Variants in NDUFS1 observed in about 807,000 individuals in gnomAD.
The protein encoded by NDUFS1 is NADH:ubiquinone oxidoreductase core subunit S1.
In NDUFS1, 61 loss-of-function variants were observed where a neutral mutation model predicts 84.4. That is an observed-to-expected ratio of 0.72 (90% confidence interval 0.59 to 0.89). The LOEUF is 0.89. NDUFS1 is among the 40% of genes least tolerant of loss of function. The pLI, the probability that NDUFS1 is intolerant of heterozygous loss-of-function variation, is 0.00. For missense variants in NDUFS1, 891 were observed against 890.0 expected (o/e 1.00, Z -0.01); for synonymous variants, 275 against 290.0 (o/e 0.95, Z 0.53).
intron 1 of NDUFS1, among the ~76,000 whole-genome samples, chr2:206,154,959 T>C (rs1687590591): frequency 1.5e-5 from 2 of 131,690 alleles, no homozygotes; most frequent in Non-Finnish European, 1.6e-5. Context: ...AGAGTCTTAC[T>C]CTGTTGCCCA....
chr2:206,134,828 T>C (rs1175715803), intron 13 of NDUFS1, among the ~76,000 whole-genome samples: 1 of 151,720 alleles, frequency 6.6e-6, no homozygotes, highest in African/African-American at 2.4e-5. Flanking sequence ...AATATAAAAA[T>C]TAGCTGGGCA....
chr2:206,130,556 T>A (rs1211749373), intron 14 of NDUFS1, among the ~76,000 whole-genome samples: 2 of 152,152 alleles, frequency 1.3e-5, no homozygotes, highest in Admixed American at 6.6e-5. Flanking sequence ...GGTTTCACCA[T>A]GTTGGCCAGG....
At chr2:206,153,096 T>A (rs1379761822) in intron 2 of NDUFS1, among the ~76,000 whole-genome samples, 1 of 152,190 alleles carries the variant, frequency 6.6e-6, no homozygotes, top group Non-Finnish European at 1.5e-5. Flanking sequence ...GGCATTGATG[T>A]GTGTAGTTCC....
chr2:206,131,256 G>T (rs1027330117), intron 14 of NDUFS1, among the ~76,000 whole-genome samples: 1 of 152,032 alleles, frequency 6.6e-6, no homozygotes, highest in Non-Finnish European at 1.5e-5. Context: ...AAGTGCAAAG[G>T]TATCTGTGAA....
chr2:206,118,159 CAA>C lies in NDUFS1; in HGVS notation c.*6024_*6025del, dbSNP rs1481306581. 2 of 152,044 alleles carry C rather than the reference CAA, an allele frequency of 1.3e-5. No homozygotes were observed. The highest frequency in any genetic ancestry group is 2.4e-5 in the African/African-American group (1 of 41,412). 9.4% of individuals were successfully genotyped at this position (152,044 alleles called of 1,614,324 possible). ...TAAACATTTTCAGTAGTGAAAAACACAAAAAACACTTTAAGCAGAGGGTATTT... is the reference window on the plus strand; with the variant it reads ...TAAACATTTTCAGTAGTGAAAAACACAAAACACTTTAAGCAGAGGGTATTT... On this transcript the variant is annotated 3_prime_UTR_variant, in exon 19 of 19. Coordinates refer to ENST00000233190, the MANE Select transcript of NDUFS1 (RefSeq NM_005006.7).
At chr2:206,155,141 C>T (rs1382453228) in intron 1 of NDUFS1, among the ~76,000 whole-genome samples, 4 of 151,014 alleles carry the variant, frequency 2.6e-5, no homozygotes, top group African/African-American at 7.3e-5. Context: ...TTTATTGAGA[C>T]GGAGTCCCGC....
intron 13 of NDUFS1, among the ~76,000 whole-genome samples, chr2:206,138,228 C>T (rs1691795981): frequency 6.6e-6 from 1 of 152,094 alleles, no homozygotes; most frequent in Non-Finnish European, 1.5e-5. Flanking sequence ...GTAGCTGATA[C>T]TACAGGCGCA....
At chr2:206,149,188 C>T (rs1394527331) in intron 4 of NDUFS1, 92 bp from the exon 5 acceptor site, 1 of 946,492 alleles carries the variant, frequency 1.1e-6, no homozygotes, top group Admixed American at 2.2e-5. Flanking sequence ...TATATAAAAA[C>T]ATTAAATTAT....
At chr2:206,131,893 C>T (rs1272295959) in intron 14 of NDUFS1, among the ~76,000 whole-genome samples, 4 of 151,816 alleles carry the variant, frequency 2.6e-5, no homozygotes, top group Admixed American at 6.6e-5. Context: ...GAGCCGAGAT[C>T]GTGCCACTGT....
rs1255508883 is a variant in NDUFS1, at chr2:206,115,991, T to G, written c.*8194A>C. 2.1e-5 allele frequency: 15 copies of G among 716,386 alleles called. No homozygotes were observed. The highest frequency in any genetic ancestry group is 3.8e-4 in the Middle Eastern group (1 of 2,652). 44.4% of individuals were successfully genotyped at this position (716,386 alleles called of 1,614,324 possible). On this transcript the variant is annotated 3_prime_UTR_variant, in exon 19 of 19. Transcript: ENST00000233190. ...CTTTCATTAGCAGTGTTAACAGTAG[T>G]TTTTTTTTCCCATGGGTAATGCTAA...
intron 5 of NDUFS1, among the ~76,000 whole-genome samples, chr2:206,148,726 A>G (rs142875010): frequency 3.0e-4 from 46 of 152,296 alleles, no homozygotes; most frequent in African/African-American, 1.0e-3. Flanking sequence ...AACAAACACA[A>G]TCAATCCCAG....
intron 13 of NDUFS1, among the ~76,000 whole-genome samples, chr2:206,135,156 T>C (rs1404230514): frequency 3.3e-5 from 5 of 151,872 alleles, no homozygotes; most frequent in Non-Finnish European, 7.4e-5. Context: ...GTAGCTGAGA[T>C]TACTGGCACA....
rs1254059933 is a variant in NDUFS1, at chr2:206,142,743, T to C, written c.1076A>G (p.Asn359Ser). 5.6e-6 allele frequency: 9 copies of C among 1,614,070 alleles called. No homozygotes were observed. Among genetic ancestry groups the C allele is most frequent in the Non-Finnish European group, 7.6e-6 (9 of 1,180,040 alleles). The change falls in exon 11 of 19, where the codon AAT becomes AGT. Residue 359 changes from asparagine (N) to serine (S), a missense_variant. Physicochemically the swap from Asn to Ser is conservative, Grantham distance 46. Transcript: ENST00000233190. ...EALVALKDLLNRVDSDTLCTE... is the reference protein window; with the variant it reads ...EALVALKDLLSRVDSDTLCTE... ...GCATAAGGTGTCAGAGTCCACTCTA[T>C]TAAGCAAATCTTTGAGAGCTACCAG...
rs910802390 is a variant in NDUFS1 at position 206,115,082 on chromosome 2, T to C, written c.*9103A>G. 3.3e-5 allele frequency: 5 copies of C among 152,242 alleles called. No individual in the cohort carries two copies. The highest frequency in any genetic ancestry group is 7.2e-5 in the African/African-American group (3 of 41,474). 9.4% of individuals were successfully genotyped at this position (152,242 alleles called of 1,614,324 possible). A position where few individuals can be genotyped will look rare whatever the true frequency, so the allele number is the denominator to read the frequency against. On this transcript the variant is annotated 3_prime_UTR_variant, in exon 19 of 19. Transcript: ENST00000233190. The stretch of plus-strand genomic sequence containing the variant: ...TTTGTTTTGTCTGACATGACAAACA[T>C]TGCAAATGTACATCCTTTGTCTCAT...
At chr2:206,128,363 C>CA (rs1691375654) in intron 15 of NDUFS1, among the ~76,000 whole-genome samples, 1 of 151,890 alleles carries the variant, frequency 6.6e-6, no homozygotes, top group African/African-American at 2.4e-5. Context: ...GACAGGGTTT[C>CA]ACCGTGTTTA....
intron 12 of NDUFS1, among the ~76,000 whole-genome samples, chr2:206,140,172 C>T (rs992176322): frequency 6.6e-6 from 1 of 152,072 alleles, no homozygotes. Flanking sequence ...TAGGGAGATC[C>T]TGTCTCTACA....
At chr2:206,127,111 G>C (rs962217727) in intron 16 of NDUFS1, among the ~76,000 whole-genome samples, 2 of 152,152 alleles carry the variant, frequency 1.3e-5, no homozygotes, top group Non-Finnish European at 2.9e-5. Flanking sequence ...TTGCTAACCT[G>C]TTATTAAAAT....
intron 18 of NDUFS1, among the ~76,000 whole-genome samples, chr2:206,125,730 T>C (rs1312903100): frequency 2.0e-5 from 3 of 151,864 alleles, no homozygotes; most frequent in African/African-American, 4.8e-5. Context: ...TCACAGGGAT[T>C]TGTTGTACAG....
At chr2:206,159,122 CCT>C (rs765381920) in intron 1 of NDUFS1, 2 of 1,535,724 alleles carry the variant, frequency 1.3e-6, no homozygotes, top group South Asian at 2.4e-5. Flanking sequence ...CCGAGGACCC[CCT>C]GATCCTCATC....
Sources: gnomAD v4.1 joint callset for allele counts (sites outside exome capture counted in the v4.1 genomes callset) on GRCh38, gnomAD v4.1.1 for gene constraint, MANE v1.5 for transcripts, NCBI Gene and HGNC (gene_info 2026-07-23, HGNC 2026-07-21) for gene names.